Variants in TAFA4 observed in about 807,000 individuals in gnomAD.
TAFA4 encodes the protein chemokine-like protein TAFA-4.
In TAFA4, 20 loss-of-function variants were observed where a neutral mutation model predicts 21.1. That is an observed-to-expected ratio of 0.95 (90% confidence interval 0.67 to 1.38). The LOEUF (loss-of-function observed/expected upper bound fraction) is 1.38. TAFA4 is among the 40% of genes most tolerant of loss of function. The pLI, the probability that TAFA4 is intolerant of heterozygous loss-of-function variation, is 0.00. For synonymous variants in TAFA4, 71 were observed against 67.4 expected (o/e 1.05, Z -0.26); for missense variants, 211 against 180.9 (o/e 1.17, Z -0.95).
chr3:68,816,844 A>C (rs1703990478), intron 3 of TAFA4, among the ~76,000 whole-genome samples: 1 of 152,188 alleles, frequency 6.6e-6, no homozygotes, highest in Non-Finnish European at 1.5e-5. Context: ...TATGTCTAAA[A>C]CACTTAACTG....
At chr3:68,860,507 ACTAT>A (rs2089322889) in intron 3 of TAFA4, among the ~76,000 whole-genome samples, 1 of 152,162 alleles carries the variant, frequency 6.6e-6, no homozygotes, top group Admixed American at 6.6e-5. Flanking sequence ...TCTCTGTTGA[ACTAT>A]CTAAGTAGGA....
At chr3:68,815,821 C>A (rs1182993255) in intron 3 of TAFA4, among the ~76,000 whole-genome samples, 1 of 152,106 alleles carries the variant, frequency 6.6e-6, no homozygotes, top group Non-Finnish European at 1.5e-5. Flanking sequence ...TGGGTATATA[C>A]CCAAAGGACT....
Position 68,880,779 on chromosome 3 carries a change from C to T in TAFA4, c.81G>A (p.Val27=), listed in dbSNP as rs746682965. The T allele has an allele frequency of 1.9e-6, 3 of 1,613,922 alleles. No individual in the cohort carries two copies. The South Asian group carries it at 3.3e-5, about 18-fold the overall frequency. ...HWLFLAYVLM[V]CCKLMSASSQ... is the part of the protein sequence containing the mutation. ...TTGAGGCGGACATCAGCTTACAGCA[C>T]ACCATTAACACGTAGGCTAGAAAGA... The change falls in exon 3 of 6, where the codon GTG becomes GTA. Residue 27 remains valine (V), a synonymous_variant. Transcript: ENST00000295569.
At chr3:68,894,595 A>C (rs1009912019) in intron 1 of TAFA4, among the ~76,000 whole-genome samples, 1 of 152,208 alleles carries the variant, frequency 6.6e-6, no homozygotes, top group African/African-American at 2.4e-5. Flanking sequence ...AATTAACAAG[A>C]CTGATTCTTG....
At chr3:68,787,274 A>G (rs1381768009) in intron 3 of TAFA4, among the ~76,000 whole-genome samples, 1 of 152,054 alleles carries the variant, frequency 6.6e-6, no homozygotes, top group Non-Finnish European at 1.5e-5. Flanking sequence ...AATTGCAACA[A>G]ACTAACCCCC....
intron 3 of TAFA4, among the ~76,000 whole-genome samples, chr3:68,810,467 C>T (rs1383637580): frequency 6.6e-6 from 1 of 152,178 alleles, no homozygotes; most frequent in Non-Finnish European, 1.5e-5. Flanking sequence ...TCGGGTCACT[C>T]CCACCCTAAT....
chr3:68,914,519 T>C (rs2089986475), intron 1 of TAFA4, among the ~76,000 whole-genome samples: 1 of 152,154 alleles, frequency 6.6e-6, no homozygotes, highest in South Asian at 2.1e-4. Flanking sequence ...TGATGTGACC[T>C]TATGTGTAAA....
intron 3 of TAFA4, among the ~76,000 whole-genome samples, chr3:68,864,497 G>A (rs1307439029): frequency 2.6e-5 from 4 of 152,114 alleles, no homozygotes; most frequent in Non-Finnish European, 5.9e-5. Context: ...CACTGCTGGT[G>A]AGCACGCATC....
chr3:68,869,840 C>T (rs2089463143), intron 3 of TAFA4, among the ~76,000 whole-genome samples: 2 of 151,764 alleles, frequency 1.3e-5, no homozygotes, highest in South Asian at 4.1e-4. Flanking sequence ...TTCAACATAA[C>T]ATTTGAAGTT....
intron 3 of TAFA4, among the ~76,000 whole-genome samples, chr3:68,831,517 C>A (rs929671664): frequency 2.0e-5 from 3 of 152,088 alleles, no homozygotes; most frequent in African/African-American, 7.2e-5. Flanking sequence ...GGCCCCCACT[C>A]TCTTCTGGAT....
chr3:68,790,655 C>A (rs919291179), intron 3 of TAFA4, among the ~76,000 whole-genome samples: 7 of 152,286 alleles, frequency 4.6e-5, no homozygotes, highest in African/African-American at 1.4e-4. Context: ...CTGCAAATGA[C>A]CTCAAATCTG....
chr3:68,872,332 T>C (rs1255255865), intron 3 of TAFA4, among the ~76,000 whole-genome samples: 2 of 152,096 alleles, frequency 1.3e-5, no homozygotes, highest in South Asian at 2.1e-4. Flanking sequence ...CTCTCATTCA[T>C]ATGTGAGAGC....
At chr3:68,767,762 G>C (rs56889723) in intron 3 of TAFA4, among the ~76,000 whole-genome samples, 30,794 of 151,638 alleles carry the variant, frequency 0.2, 3,974 homozygotes, top group East Asian at 0.61. Context: ...TCATAGGTAA[G>C]TCCTTATATG....
chr3:68,736,715 C>A (rs773250738), intron 5 of TAFA4, among the ~76,000 whole-genome samples: 22 of 152,092 alleles, frequency 1.4e-4, no homozygotes, highest in Non-Finnish European at 2.4e-4. Context: ...GAAAAAGATA[C>A]TACTGGAAGC....
At chr3:68,756,774 A>G (rs1286727348) in intron 3 of TAFA4, among the ~76,000 whole-genome samples, 2 of 152,208 alleles carry the variant, frequency 1.3e-5, no homozygotes, top group Non-Finnish European at 2.9e-5. Context: ...TAAATGATAA[A>G]CCTAATTAAA....
intron 3 of TAFA4, among the ~76,000 whole-genome samples, chr3:68,827,001 C>T (rs1704254196): frequency 6.6e-6 from 1 of 152,064 alleles, no homozygotes; most frequent in Non-Finnish European, 1.5e-5. Context: ...TCCTCATTTA[C>T]ATTAGGTATT....
Position 68,916,248 on chromosome 3 carries a change from T to C in TAFA4, c.-123+15992A>G, listed in dbSNP as rs533364250. On this transcript the variant is annotated intron_variant, in intron 1 of 5. Transcript: ENST00000295569. ...ACATATCAAACGGATAAGACTTCAA[T>C]TTATTTGAGAATAAGTTGTAACTCA... The C allele has an allele frequency of 3.9e-5, 6 of 152,368 alleles. 1 individual carries two copies. The highest frequency in any genetic ancestry group is 1.3e-4 in the Admixed American group (2 of 15,302). 9.4% of individuals were successfully genotyped at this position (152,368 alleles called of 1,614,324 possible).
chr3:68,778,486 A>G (rs914975915), intron 3 of TAFA4, among the ~76,000 whole-genome samples: 27 of 152,322 alleles, frequency 1.8e-4, no homozygotes, highest in African/African-American at 6.3e-4. Flanking sequence ...CCCTCACCCA[A>G]ATCTCATCTT....
At chr3:68,782,951 A>G (rs1703178718) in intron 3 of TAFA4, among the ~76,000 whole-genome samples, 1 of 152,250 alleles carries the variant, frequency 6.6e-6, no homozygotes, top group Non-Finnish European at 1.5e-5. Context: ...AAAAATAATA[A>G]TATGTAATGA....
Sources: gnomAD v4.1 joint callset for allele counts (sites outside exome capture counted in the v4.1 genomes callset) on GRCh38, gnomAD v4.1.1 for gene constraint, MANE v1.5 for transcripts, NCBI Gene and HGNC (gene_info 2026-07-23, HGNC 2026-07-21) for gene names.